The following PTPN11 variants were observed in gnomAD, a reference collection of about 807,000 sequenced individuals.
The protein encoded by PTPN11 is tyrosine-protein phosphatase non-receptor type 11.
In PTPN11, 6 loss-of-function variants were observed where a neutral mutation model predicts 78.8. The ratio of observed to expected loss-of-function variants is 0.08; its 90% CI spans 0.04 to 0.15. The LOEUF (loss-of-function observed/expected upper bound fraction) is 0.15, where lower values mean the gene tolerates loss of function less well. Ranked by LOEUF, PTPN11 falls within the 10% of genes least tolerant of loss-of-function variation. The pLI is 1.00. For synonymous variants in PTPN11, 221 were observed against 263.5 expected (o/e 0.84, Z 1.56); for missense variants, 386 against 744.8 (o/e 0.52, Z 5.61).
At chr12:112,463,763 A>G (rs917328223) in intron 6 of PTPN11, among the ~76,000 whole-genome samples, 2 of 152,156 alleles carry the variant, frequency 1.3e-5, no homozygotes, top group Non-Finnish European at 2.9e-5. Flanking sequence ...GAGGTGGTAA[A>G]ATTGTTGTGC....
intron 13 of PTPN11, among the ~76,000 whole-genome samples, chr12:112,499,907 G>A (rs770813183): frequency 3.4e-5 from 5 of 145,508 alleles, no homozygotes; most frequent in East Asian, 4.1e-4. Context: ...GCACCACTGC[G>A]CTCTAGTCTG....
At chr12:112,442,304 A>G (rs1359725639) in intron 1 of PTPN11, among the ~76,000 whole-genome samples, 4 of 152,040 alleles carry the variant, frequency 2.6e-5, no homozygotes, top group Non-Finnish European at 2.9e-5. Context: ...TGGGACCAGA[A>G]GTGTTTTGGA....
intron 1 of PTPN11, among the ~76,000 whole-genome samples, chr12:112,427,613 G>C (rs1404553667): frequency 6.6e-6 from 1 of 151,772 alleles, no homozygotes; most frequent in African/African-American, 2.4e-5. Flanking sequence ...AATGCCAGAT[G>C]ATGGCTGGTT....
chr12:112,488,894 T>C (rs1311539916), intron 12 of PTPN11, 130 bp from the exon 13 acceptor site: 1 of 1,317,566 alleles, frequency 7.6e-7, no homozygotes, highest in African/African-American at 1.5e-5. Context: ...CTGTAGCCAT[T>C]GCAACATGCT....
At chr12:112,453,088 A>T in intron 3 of PTPN11, 107 bp from the exon 4 acceptor site, 2 of 957,002 alleles carry the variant, frequency 2.1e-6, no homozygotes, top group South Asian at 2.8e-5. Flanking sequence ...GAATGTGTCT[A>T]CTTTTTAATT....
intron 1 of PTPN11, among the ~76,000 whole-genome samples, chr12:112,425,925 G>A (rs1011783368): frequency 2.0e-5 from 3 of 151,852 alleles, no homozygotes; most frequent in Admixed American, 6.6e-5. Context: ...AGATGAGGTC[G>A]GAACTCCTGG....
intron 5 of PTPN11, 99 bp downstream of exon 5, chr12:112,454,779 T>A: frequency 7.9e-6 from 6 of 756,540 alleles, no homozygotes; most frequent in Non-Finnish European, 1.2e-5. Flanking sequence ...AATAGTATCA[T>A]CAGCCTCCAT....
intron 1 of PTPN11, among the ~76,000 whole-genome samples, chr12:112,420,977 T>A (rs1248946981): frequency 6.6e-6 from 1 of 152,144 alleles, no homozygotes; most frequent in East Asian, 1.9e-4. Context: ...TTAGGAGACA[T>A]CAGACGGGGC....
At chr12:112,420,365 A>T (rs1379464501) in intron 1 of PTPN11, among the ~76,000 whole-genome samples, 1 of 148,714 alleles carries the variant, frequency 6.7e-6, no homozygotes, top group Non-Finnish European at 1.5e-5. Flanking sequence ...TTTTTTTTGG[A>T]GACGGAGGCT....
At chr12:112,459,406 C>T (rs2038213481) in intron 6 of PTPN11, among the ~76,000 whole-genome samples, 1 of 151,958 alleles carries the variant, frequency 6.6e-6, no homozygotes, top group Admixed American at 6.6e-5. Flanking sequence ...CTCACTTCCC[C>T]AGCCCTGACT....
chr12:112,447,265 C>T (rs887866872), intron 2 of PTPN11, among the ~76,000 whole-genome samples: 2 of 151,822 alleles, frequency 1.3e-5, no homozygotes, highest in Admixed American at 6.6e-5. Context: ...AGTTGTGGTC[C>T]CCTTTGCTTC....
At chr12:112,477,295 G>A (rs1350568872) in intron 7 of PTPN11, among the ~76,000 whole-genome samples, 3 of 152,224 alleles carry the variant, frequency 2.0e-5, no homozygotes, top group Admixed American at 2.0e-4. Flanking sequence ...GAAATTATAG[G>A]CCACTGCGCC....
At chr12:112,496,216 G>T (rs964356589) in intron 13 of PTPN11, among the ~76,000 whole-genome samples, 1 of 152,114 alleles carries the variant, frequency 6.6e-6, no homozygotes, top group Non-Finnish European at 1.5e-5. Context: ...TGGTCACTGG[G>T]AGGTTCTTCA....
At chr12:112,475,240 A>G (rs2038481942) in intron 7 of PTPN11, among the ~76,000 whole-genome samples, 1 of 152,058 alleles carries the variant, frequency 6.6e-6, no homozygotes, top group Non-Finnish European at 1.5e-5. Context: ...TGTTCTTAGC[A>G]CCACTCTAAT....
chr12:112,460,845 C>A (rs867797372), intron 6 of PTPN11, among the ~76,000 whole-genome samples: 5 of 152,042 alleles, frequency 3.3e-5, no homozygotes, highest in South Asian at 2.1e-4. Context: ...CATCTCAAAA[C>A]GAAACAAAAC....
chr12:112,505,446 C>T (rs946410035), intron 15 of PTPN11, among the ~76,000 whole-genome samples: 11 of 152,018 alleles, frequency 7.2e-5, no homozygotes, highest in African/African-American at 2.7e-4. Context: ...GTGGGCGGAT[C>T]ACCTGAGGTC....
At chr12:112,441,899 C>G (rs939272981) in intron 1 of PTPN11, among the ~76,000 whole-genome samples, 13 of 151,994 alleles carry the variant, frequency 8.6e-5, no homozygotes, top group Non-Finnish European at 4.4e-5. Flanking sequence ...GCCTCAGCCT[C>G]CCGAGTAGCT....
intron 13 of PTPN11, among the ~76,000 whole-genome samples, chr12:112,492,863 C>A (rs1300961762): frequency 6.6e-6 from 1 of 152,160 alleles, no homozygotes; most frequent in East Asian, 1.9e-4. Context: ...TGATTAAATT[C>A]TTGCCTGAAA....
intron 6 of PTPN11, among the ~76,000 whole-genome samples, chr12:112,459,409 C>A (rs1451740996): frequency 3.3e-5 from 5 of 151,990 alleles, no homozygotes; most frequent in Admixed American, 3.3e-4. Context: ...ACTTCCCCAG[C>A]CCTGACTTGT....
Sources: allele counts gnomAD v4.1 joint callset (sites outside exome capture counted in the v4.1 genomes callset), GRCh38; gene constraint gnomAD v4.1.1; transcripts MANE v1.5; gene names NCBI Gene and HGNC (gene_info 2026-07-23, HGNC 2026-07-21).